SNX27: variants seen among roughly 807,000 people sequenced by gnomAD.
SNX27 encodes the protein sorting nexin 27, also known as sorting nexin-27.
In SNX27, 22 loss-of-function variants were observed where a neutral mutation model predicts 71.6. The ratio of observed to expected loss-of-function variants is 0.31; its 90% CI spans 0.22 to 0.44. The LOEUF is 0.44. Ranked by LOEUF, SNX27 falls within the 20% of genes least tolerant of loss-of-function variation. The pLI is 1.00. For missense variants in SNX27, 531 were observed against 698.6 expected (o/e 0.76, Z 2.70); for synonymous variants, 269 against 277.2 (o/e 0.97, Z 0.29).
chr1:151,688,046 A>G (rs1020968349), intron 8 of SNX27, among the ~76,000 whole-genome samples: 1 of 151,896 alleles, frequency 6.6e-6, no homozygotes, highest in Non-Finnish European at 1.5e-5. Flanking sequence ...ATCCTGTACT[A>G]TACCTGTCCA....
intron 2 of SNX27, among the ~76,000 whole-genome samples, chr1:151,643,888 G>A (rs1158892695): frequency 6.6e-6 from 1 of 151,926 alleles, no homozygotes; most frequent in Non-Finnish European, 1.5e-5. Context: ...TTGAACTCCT[G>A]ACCTCAGGAA....
chr1:151,623,473 C>T (rs1468845776), intron 1 of SNX27, among the ~76,000 whole-genome samples: 1 of 151,948 alleles, frequency 6.6e-6, no homozygotes, highest in Non-Finnish European at 1.5e-5. Context: ...ACCATGTTGG[C>T]CAGTCTGGTC....
chr1:151,690,038 G>C (rs1671365212), intron 8 of SNX27, among the ~76,000 whole-genome samples: 1 of 152,108 alleles, frequency 6.6e-6, no homozygotes, highest in Admixed American at 6.6e-5. Flanking sequence ...TAGTAAAAAT[G>C]GGGTTTCACC....
At chr1:151,658,154 A>G (rs1054777387) in intron 2 of SNX27, 81 bp from the exon 3 acceptor site, 3 of 1,345,378 alleles carry the variant, frequency 2.2e-6, no homozygotes, top group African/African-American at 1.5e-5. Context: ...CATCTAACCA[A>G]TATCATCTAA....
rs1481161491 is a variant in SNX27, at chr1:151,642,986, G to A, written c.543+3867G>A. On this transcript the variant is annotated intron_variant, in intron 2 of 11. Coordinates refer to ENST00000458013, the MANE Select transcript of SNX27 (RefSeq NM_001330723.2). Reference sequence around the variant, plus strand: ...TTTATTTTATTTTATTTTTTGAGACGGAATTTCACTCTTGTTGCCCAGGTT... The same window carrying A: ...TTTATTTTATTTTATTTTTTGAGACAGAATTTCACTCTTGTTGCCCAGGTT... 3.3e-5 allele frequency among the ~76,000 whole-genome samples: 5 copies of A among 149,922 alleles called. No homozygotes were observed. The East Asian group carries it at 6.0e-4, about 18-fold the overall frequency.
At chr1:151,688,122 A>T (rs548267243) in intron 8 of SNX27, among the ~76,000 whole-genome samples, 4 of 152,302 alleles carry the variant, frequency 2.6e-5, no homozygotes, top group African/African-American at 9.6e-5. Context: ...TTCGGGATAC[A>T]TAGTTACTCA....
chr1:151,658,484 A>G (rs1009145558), intron 3 of SNX27, 57 bp downstream of exon 3: 15 of 1,482,668 alleles, frequency 1.0e-5, no homozygotes, highest in Admixed American at 7.8e-5. Context: ...TAGATATGCA[A>G]CTTCTAAACT....
chr1:151,627,675 G>A (rs1342107453), intron 1 of SNX27, among the ~76,000 whole-genome samples: 1 of 151,942 alleles, frequency 6.6e-6, no homozygotes, highest in Non-Finnish European at 1.5e-5. Flanking sequence ...CAGTCCACCC[G>A]CTTTGGCTTC....
intron 8 of SNX27, among the ~76,000 whole-genome samples, chr1:151,691,695 C>A (rs1671457797): frequency 6.6e-6 from 1 of 151,892 alleles, no homozygotes; most frequent in African/African-American, 2.4e-5. Context: ...CCACTGCACT[C>A]CATCGAGACG....
At chr1:151,666,652 C>T (rs1051160965) in intron 6 of SNX27, 3 of 152,150 alleles carry the variant, frequency 2.0e-5, no homozygotes, top group African/African-American at 7.2e-5. Context: ...TTATACAGGG[C>T]TAAGGCCAAA....
At position 151,612,461 on chromosome 1, in the gene SNX27, G is replaced by T; in HGVS notation, c.260G>T (p.Gly87Val). Residue 87 changes from glycine (G) to valine (V), a missense_variant, in exon 1 of 12, where the codon GGG (glycine) becomes GTG (valine). Around this residue, in one of 5 missense-constraint regions of SNX27, gnomAD observed 130 missense variants for 143.5 expected, o/e 0.91. Coordinates refer to ENST00000458013, the MANE Select transcript of SNX27 (RefSeq NM_001330723.2). The surrounding 1 kb of genome is among the most constrained non-coding windows in gnomAD (Gnocchi z 5.2). ...PLQHVSAVLPGGAADRAGVRK... is the reference protein window; with the variant it reads ...PLQHVSAVLPVGAADRAGVRK... Reference sequence around the variant, plus strand: ...CAGCATGTGAGCGCCGTGCTGCCCGGGGGGGCGGCCGATCGGGCCGGGGTG... The same window carrying T: ...CAGCATGTGAGCGCCGTGCTGCCCGTGGGGGCGGCCGATCGGGCCGGGGTG... 5 of 1,427,376 alleles carry T rather than the reference G, an allele frequency of 3.5e-6. No individual in the cohort carries two copies. The highest frequency in any genetic ancestry group is 3.1e-5 in the Admixed American group (1 of 31,832). The allele number at this position is 1,427,376 out of a possible 1,614,324, so 88.4% of individuals were successfully genotyped here.
At chr1:151,615,148 A>G (rs1188445920) in intron 1 of SNX27, among the ~76,000 whole-genome samples, 3 of 152,240 alleles carry the variant, frequency 2.0e-5, no homozygotes, top group Admixed American at 2.0e-4. Flanking sequence ...GGGGAAAAGA[A>G]TACTCTGCCT....
intron 1 of SNX27, among the ~76,000 whole-genome samples, chr1:151,625,189 A>C (rs934942080): frequency 3.3e-5 from 5 of 152,160 alleles, no homozygotes; most frequent in African/African-American, 1.2e-4. Context: ...CCAGTGTTAA[A>C]TTTTTGGACG....
At chr1:151,614,876 A>C (rs903534613) in intron 1 of SNX27, among the ~76,000 whole-genome samples, 4 of 152,264 alleles carry the variant, frequency 2.6e-5, no homozygotes, top group African/African-American at 9.6e-5. Context: ...TATAGTTAAT[A>C]TGATCTATCT....
intron 7 of SNX27, 51 bp downstream of exon 7, chr1:151,668,686 A>T: frequency 6.4e-7 from 1 of 1,564,702 alleles, no homozygotes. Flanking sequence ...ATGTTTGAAT[A>T]TAGTTGGTAC....
At chr1:151,693,654 C>T in intron 11 of SNX27, 171 bp downstream of exon 11, 2 of 1,612,954 alleles carry the variant, frequency 1.2e-6, no homozygotes, top group East Asian at 2.2e-5. Flanking sequence ...CAAGGTTGGC[C>T]TCTGGATGGT....
chr1:151,655,934 A>G (rs899113953), intron 2 of SNX27, among the ~76,000 whole-genome samples: 7 of 152,168 alleles, frequency 4.6e-5, no homozygotes, highest in African/African-American at 1.7e-4. Context: ...CAAAAAATTA[A>G]AAGCTCTTGG....
intron 8 of SNX27, among the ~76,000 whole-genome samples, chr1:151,688,086 C>A (rs1035101052): frequency 6.6e-6 from 1 of 151,934 alleles, no homozygotes; most frequent in Non-Finnish European, 1.5e-5. Flanking sequence ...CCACTTTCTA[C>A]ATGATACATG....
At chr1:151,669,642 T>G (rs1389286420) in intron 7 of SNX27, among the ~76,000 whole-genome samples, 1 of 152,232 alleles carries the variant, frequency 6.6e-6, no homozygotes, top group Non-Finnish European at 1.5e-5. Flanking sequence ...CACCATCTCC[T>G]GTTTCCAGTG....
Sources: allele counts gnomAD v4.1 joint callset (sites outside exome capture counted in the v4.1 genomes callset), GRCh38; gene constraint gnomAD v4.1.1; regional missense constraint gnomAD v4.1.1; non-coding constraint Gnocchi (gnomAD v3.1); transcripts MANE v1.5; gene names NCBI Gene and HGNC (gene_info 2026-07-23, HGNC 2026-07-21).